Variants in RIPK1 observed in about 807,000 individuals in gnomAD.
RIPK1 encodes receptor interacting serine/threonine kinase 1.
RIPK1 carries 27 observed loss-of-function variants against 62.4 expected under a neutral mutation model. The ratio of observed to expected loss-of-function variants is 0.43; its 90% CI spans 0.32 to 0.60. The LOEUF (loss-of-function observed/expected upper bound fraction) is 0.60. Ranked by LOEUF, RIPK1 falls within the 20% of genes least tolerant of loss-of-function variation. RIPK1 has a pLI of 0.07. For synonymous variants in RIPK1, 287 were observed against 303.2 expected (o/e 0.95, Z 0.55); for missense variants, 735 against 831.0 (o/e 0.88, Z 1.42).
At position 3,072,477 on chromosome 6, in the gene RIPK1, A is replaced by T. The variant is rs1758775265; in HGVS notation, c.-61+3816A>T. Among the ~76,000 whole-genome samples, 1 of 152,156 alleles carries T rather than the reference A, an allele frequency of 6.6e-6. No homozygotes were observed. Among genetic ancestry groups the T allele is most frequent in the Non-Finnish European group, 1.5e-5 (1 of 68,026 alleles). ...AAACAATTTTGAATGGCTATATAAT[A>T]TTCTGTTAGGAGTGTGCCGTAATTC... On this transcript the variant is annotated intron_variant, in intron 1 of 10. Coordinates refer to ENST00000259808, the MANE Select transcript of RIPK1 (RefSeq NM_001354930.2). The surrounding 1 kb of genome is among the most constrained non-coding windows in gnomAD (Gnocchi z 5.6).
At chr6:3,108,341 T>G (rs7769884) in intron 9 of RIPK1, among the ~76,000 whole-genome samples, 2 of 151,144 alleles carry the variant, frequency 1.3e-5, no homozygotes, top group African/African-American at 2.5e-5. Context: ...AACTGAAAAT[T>G]TATATATTAT....
At chr6:3,088,131 T>C (rs150125071) in intron 6 of RIPK1, among the ~76,000 whole-genome samples, 104 of 152,368 alleles carry the variant, frequency 6.8e-4, no homozygotes, top group Middle Eastern at 6.8e-3. Flanking sequence ...TTGGAGATTC[T>C]GTATCCTCTT....
rs1486423522 is a variant in RIPK1 at position 3,110,969 on chromosome 6, G to T, written c.1729+14G>T. 1 of 1,591,250 alleles carries T rather than the reference G, an allele frequency of 6.3e-7. No individual in the cohort carries two copies. Among genetic ancestry groups the T allele is most frequent in the East Asian group, 2.3e-5 (1 of 43,980 alleles). ...AAGCTATCTTTGGTAAGATACCCTG[G>T]AAGGACTCAACGCCTAGCAACCTTG... is the stretch of plus-strand genomic sequence containing the variant. On this transcript the variant is annotated intron_variant, in intron 10 of 10. Coordinates refer to ENST00000259808, the MANE Select transcript of RIPK1 (RefSeq NM_001354930.2).
At chr6:3,109,452 G>C (rs1581440331) in intron 9 of RIPK1, among the ~76,000 whole-genome samples, 1 of 152,062 alleles carries the variant, frequency 6.6e-6, no homozygotes, top group Non-Finnish European at 1.5e-5. Context: ...AAGAGGGTAG[G>C]GCAGAGCTGT....
At chr6:3,075,835 C>CA in intron 1 of RIPK1, among the ~76,000 whole-genome samples, 1 of 78,728 alleles carries the variant, frequency 1.3e-5, no homozygotes, top group Non-Finnish European at 2.8e-5. Context: ...TAAATTTGCA[C>CA]AAACTTTTTT....
In RIPK1 at chr6:3,114,916, G is replaced by GT. The variant is rs1028053223; in HGVS notation, c.*1578dup. 2 of 152,018 alleles carry GT rather than the reference G, an allele frequency of 1.3e-5. No homozygotes were observed. Among genetic ancestry groups the GT allele is most frequent in the Non-Finnish European group, 2.9e-5 (2 of 68,054 alleles). The allele number at this position is 152,018 out of a possible 1,614,324, so 9.4% of individuals were successfully genotyped here. A position where few individuals can be genotyped will look rare whatever the true frequency, so the allele number is the denominator to read the frequency against. ...TGCCCCGGTTGAGAAGAGCACTGCT[G>GT]TAAAGTAATGAGCCTCGGCTCTCCT... is the stretch of plus-strand genomic sequence containing the variant. On this transcript the variant is annotated 3_prime_UTR_variant, in exon 11 of 11. Coordinates refer to ENST00000259808, the MANE Select transcript of RIPK1 (RefSeq NM_001354930.2). This position sits in a 1 kb window ranked among gnomAD's most constrained non-coding sequence, Gnocchi z 5.0.
chr6:3,067,740 CT>C (rs149016655), upstream of RIPK1, among the ~76,000 whole-genome samples: 2,063 of 147,350 alleles, frequency 0.014, 31 homozygotes, highest in African/African-American at 0.043. Context: ...TCCTGTTGTG[CT>C]TTTTTTTTTT....
At chr6:3,078,034 A>T (rs550232958) in intron 3 of RIPK1, 99 bp downstream of exon 3, 1 of 1,217,612 alleles carries the variant, frequency 8.2e-7, no homozygotes, top group East Asian at 2.5e-5. Flanking sequence ...GTTAGCATCA[A>T]ATTTGCAAAT....
At chr6:3,095,837 G>A (rs1581418192) in intron 7 of RIPK1, among the ~76,000 whole-genome samples, 1 of 143,702 alleles carries the variant, frequency 7.0e-6, no homozygotes, top group African/African-American at 2.5e-5. Context: ...TTAACAAAAT[G>A]TTAACAGCCT....
intron 1 of RIPK1, 65 bp from the exon 2 acceptor site, chr6:3,076,699 C>CATACATATATATATAT (rs759690606): frequency 4.6e-5 from 10 of 217,778 alleles, no homozygotes; most frequent in African/African-American, 2.9e-4. Flanking sequence ...AAAAAAAAAA[C>CATACATATATATATAT]ATATATATAT....
intron 7 of RIPK1, among the ~76,000 whole-genome samples, chr6:3,101,675 T>C (rs1760593814): frequency 6.6e-6 from 1 of 152,176 alleles, no homozygotes; most frequent in South Asian, 2.1e-4. Flanking sequence ...TAACATTTTA[T>C]CTTTGGGTGT....
chr6:3,068,457 G>T (rs968856267), upstream of RIPK1: 6 of 985,388 alleles, frequency 6.1e-6, no homozygotes, highest in South Asian at 1.9e-4. Context: ...CCTCCTCCCC[G>T]GCAAGGGCCG....
intron 7 of RIPK1, among the ~76,000 whole-genome samples, chr6:3,095,079 G>T (rs1207382008): frequency 6.6e-6 from 1 of 151,820 alleles, no homozygotes; most frequent in East Asian, 1.9e-4. Context: ...AGAAAAAAAA[G>T]ACTGACAAAA....
intron 7 of RIPK1, among the ~76,000 whole-genome samples, chr6:3,090,315 T>C (rs989117411): frequency 1.3e-5 from 2 of 152,076 alleles, no homozygotes; most frequent in African/African-American, 2.4e-5. Flanking sequence ...AACTCTGGAA[T>C]CAAGCTACTG....
intron 9 of RIPK1, among the ~76,000 whole-genome samples, chr6:3,108,606 G>C (rs969885471): frequency 2.6e-5 from 4 of 152,168 alleles, no homozygotes; most frequent in African/African-American, 9.7e-5. Flanking sequence ...ACTGTGCCTG[G>C]CGATGCGCAG....
At chr6:3,098,877 T>A (rs1760451637) in intron 7 of RIPK1, among the ~76,000 whole-genome samples, 1 of 152,186 alleles carries the variant, frequency 6.6e-6, no homozygotes, top group African/African-American at 2.4e-5. Flanking sequence ...ACTGAGCAAA[T>A]GCCCCTCAGG....
chr6:3,095,436 T>A (rs1392121738), intron 7 of RIPK1, among the ~76,000 whole-genome samples: 1 of 152,216 alleles, frequency 6.6e-6, no homozygotes, highest in East Asian at 1.9e-4. Context: ...AGAGAACTCT[T>A]CCAGATTCAC....
At chr6:3,111,793 T>C (rs1312917893) in intron 10 of RIPK1, among the ~76,000 whole-genome samples, 4 of 152,338 alleles carry the variant, frequency 2.6e-5, no homozygotes, top group African/African-American at 9.6e-5. Flanking sequence ...CAGGGGCACC[T>C]GTGAGAATCT....
At position 3,086,343 on chromosome 6, in the gene RIPK1, G is replaced by A. The variant is rs76732487; in HGVS notation, c.838+935G>A. Among the ~76,000 whole-genome samples, 326 of 152,322 alleles carry A rather than the reference G, an allele frequency of 2.1e-3. 1 individual carries two copies. Among genetic ancestry groups the A allele is most frequent in the African/African-American group, 7.4e-3 (309 of 41,562 alleles). On this transcript the variant is annotated intron_variant, in intron 6 of 10. Coordinates refer to ENST00000259808, the MANE Select transcript of RIPK1 (RefSeq NM_001354930.2). ...TAGCTAGGTTGTATGGTAGTTTCATGTACAGTTTATTTTAAAAATTCCCTA... is the reference window on the plus strand; with the variant it reads ...TAGCTAGGTTGTATGGTAGTTTCATATACAGTTTATTTTAAAAATTCCCTA...
Sources: gnomAD v4.1 joint callset for allele counts (sites outside exome capture counted in the v4.1 genomes callset) on GRCh38, gnomAD v4.1.1 for gene constraint, Gnocchi (gnomAD v3.1) non-coding constraint, MANE v1.5 for transcripts, NCBI Gene and HGNC (gene_info 2026-07-23, HGNC 2026-07-21) for gene names.